MEP1B: variants seen among roughly 807,000 people sequenced by gnomAD.
The protein encoded by MEP1B is N-benzoyl-L-tyrosyl-P-amino-benzoic acid hydrolase subunit beta.
A neutral mutation model predicts 84.6 loss-of-function variants in MEP1B; 80 were observed. The observed-to-expected ratio is 0.95, with a 90% confidence interval of 0.79 to 1.14. The LOEUF is 1.14. Among genes scored for constraint, MEP1B ranks in the 50% most tolerant of loss-of-function variants. MEP1B has a pLI of 0.00. For missense variants in MEP1B, 766 were observed against 855.1 expected, an observed-to-expected ratio of 0.90 and a Z score of 1.30; for synonymous variants, 273 against 288.1, an observed-to-expected ratio of 0.95 and a Z score of 0.53.
intron 7 of MEP1B, among the ~76,000 whole-genome samples, chr18:32,205,178 T>C (rs2040951866): frequency 1.3e-5 from 2 of 152,380 alleles, no homozygotes; most frequent in South Asian, 4.1e-4. Context: ...TCTTCTTTTT[T>C]CTTTTTGCAG....
At position 32,203,065 on chromosome 18, in the gene MEP1B, A is replaced by G. The variant is rs148591030; in HGVS notation, c.368+55A>G. 1,019 of 1,005,404 alleles carry G rather than the reference A, an allele frequency of 1.0e-3. 4 individuals are homozygous for G. The highest frequency in any genetic ancestry group is 1.3e-3 in the Non-Finnish European group (823 of 653,304). 62.3% of individuals were successfully genotyped at this position (1,005,404 alleles called of 1,614,324 possible). A position where few individuals can be genotyped will look rare whatever the true frequency, so the allele number is the denominator to read the frequency against. On this transcript the variant is annotated intron_variant, in intron 6 of 14. Transcript: ENST00000269202. Reference sequence around the variant, plus strand: ...TCTAAGGAGAACTCTAGTGCCTGGGACATTACATTGCAGCAATCATCCTAG... The same window carrying G: ...TCTAAGGAGAACTCTAGTGCCTGGGGCATTACATTGCAGCAATCATCCTAG...
chr18:32,194,635 T>G lies in MEP1B; in HGVS notation c.172-772T>G, dbSNP rs138790030. Among the ~76,000 whole-genome samples, 896 of 152,264 alleles carry G rather than the reference T, an allele frequency of 5.9e-3. 7 individuals are homozygous for G. The highest frequency in any genetic ancestry group is 0.01 in the Middle Eastern group (3 of 294). On this transcript the variant is annotated intron_variant, in intron 4 of 14. Transcript: ENST00000269202. ...CAGAACAAGAACAACTAATGTTCCC[T>G]CTGCCTGAAACCACCTTCCCAGGAC...
intron 12 of MEP1B, 123 bp from the exon 13 acceptor site, chr18:32,216,868 T>TAAAAA: frequency 1.0e-6 from 1 of 960,714 alleles, no homozygotes; most frequent in Non-Finnish European, 1.4e-6. Context: ...ATCTCACCTC[T>TAAAAA]AAAAAAAAAA....
At chr18:32,192,533 T>C (rs1396099447) in intron 2 of MEP1B, 113 bp from the exon 3 acceptor site, 7 of 870,126 alleles carry the variant, frequency 8.0e-6, no homozygotes, top group Non-Finnish European at 1.3e-5. Flanking sequence ...CTGAATCTAG[T>C]AGTCACCTGA....
chr18:32,210,245 T>G (rs2041010698), intron 9 of MEP1B, among the ~76,000 whole-genome samples: 1 of 152,248 alleles, frequency 6.6e-6, no homozygotes, highest in African/African-American at 2.4e-5. Flanking sequence ...TAAGCAAGGA[T>G]TAGTGCCCAC....
Position 32,213,386 on chromosome 18 carries a change from ATGTGAC to A in MEP1B, c.1408_1413del (p.Val470_Thr471del). ...TTTCAGATTTACTTAAATCTAGCCC[ATGTGAC>A]TAATGCAGGGATATATTTCCACTTG... is the stretch of plus-strand genomic sequence containing the variant. On this transcript the variant is annotated inframe_deletion, in exon 11 of 15. Transcript: ENST00000269202. 6.2e-7 allele frequency: 1 copy of A among 1,613,866 alleles called. No individual in the cohort carries two copies. The highest frequency in any genetic ancestry group is 8.5e-7 in the Non-Finnish European group (1 of 1,179,820).
In MEP1B at chr18:32,217,024, T is replaced by TA; in HGVS notation, c.1795dup (p.Thr599AsnfsTer5). The TA allele has an allele frequency of 6.2e-7, 1 of 1,613,914 alleles. No individual in the cohort carries two copies. Among genetic ancestry groups the TA allele is most frequent in the African/African-American group, 1.3e-5 (1 of 75,070 alleles). On this transcript the variant is annotated frameshift_variant, in exon 13 of 15. Coordinates refer to ENST00000269202, the MANE Select transcript of MEP1B (RefSeq NM_005925.3). LOFTEE classifies it high-confidence loss of function. ...CACCTCAACTCTACACAAATCCAGC[T>TA]AACACCAGCCCCTAGTGTTCAAGAC... is the stretch of plus-strand genomic sequence containing the variant.
Position 32,210,687 on chromosome 18 carries a change from GCAATTT to G in MEP1B, c.1107_1112del (p.Asn370_Leu371del). On this transcript the variant is annotated inframe_deletion, in exon 10 of 15. Transcript: ENST00000269202. ...GAGTATTCTGCAGACAATGTGGATG[GCAATTT>G]AACCCTTGTGGAAGAAATAAAAGGT... The G allele has an allele frequency of 6.2e-7, 1 of 1,613,602 alleles. No homozygotes were observed. Among genetic ancestry groups the G allele is most frequent in the Non-Finnish European group, 8.5e-7 (1 of 1,179,668 alleles).
chr18:32,218,806 C>G (rs2041120872), intron 14 of MEP1B, among the ~76,000 whole-genome samples: 1 of 151,832 alleles, frequency 6.6e-6, no homozygotes, highest in South Asian at 2.1e-4. Context: ...AAAGAGGGGG[C>G]ATAAAATTGG....
rs1006180347 is a variant in MEP1B, at chr18:32,213,297, G to C, written c.1317G>C (p.Gln439His). 1.2e-6 allele frequency: 2 copies of C among 1,613,832 alleles called. No homozygotes were observed. The highest frequency in any genetic ancestry group is 2.7e-5 in the African/African-American group (2 of 74,906). The change falls in exon 11 of 15, where the codon CAG becomes CAC. Residue 439 changes from glutamine to histidine, a missense_variant. Transcript: ENST00000269202. ...HHIWHIRNFT[Q>H]FIGSPNGTLY... ...TCTGGCATATAAGGAATTTCACACA[G>C]TTCATTGGCAGCCCAAATGGAACTC...
rs1598886741 is a variant in MEP1B, at chr18:32,195,410, C to T, written c.175C>T (p.Gln59Ter). Residue 59 changes from glutamine to a stop codon, truncating the protein, a stop_gained, in exon 5 of 15, where the codon CAA (glutamine) becomes TAA (stop). Coordinates refer to ENST00000269202, the MANE Select transcript of MEP1B (RefSeq NM_005925.3). LOFTEE classifies it high-confidence loss of function. ...FEGDIRLDRA[Q>*]IRNSIIGEKY... ...CTTTTGCATTTATTTTTGACAGGCA[C>T]AAATTAGAAATTCCATCATTGGAGA... is the stretch of plus-strand genomic sequence containing the variant. The T allele has an allele frequency of 1.2e-6, 2 of 1,605,930 alleles. No individual in the cohort carries two copies. The highest frequency in any genetic ancestry group is 1.3e-5 in the African/African-American group (1 of 74,792).
At chr18:32,198,852 A>C (rs1229269753) in intron 5 of MEP1B, among the ~76,000 whole-genome samples, 1 of 152,218 alleles carries the variant, frequency 6.6e-6, no homozygotes, top group Admixed American at 6.5e-5. Context: ...TAGGGAGACC[A>C]GTTAGAAAAC....
At chr18:32,219,990 C>T (rs529606529) in intron 14 of MEP1B, among the ~76,000 whole-genome samples, 1 of 152,240 alleles carries the variant, frequency 6.6e-6, no homozygotes, top group Admixed American at 6.5e-5. Flanking sequence ...ATCAGAATGA[C>T]CTTTTTTTCT....
chr18:32,193,157 T>C (rs373028709), intron 4 of MEP1B, among the ~76,000 whole-genome samples: 2 of 152,216 alleles, frequency 1.3e-5, no homozygotes, highest in East Asian at 3.8e-4. Flanking sequence ...GAGGCAAAAT[T>C]AAACTGAATT....
At chr18:32,204,105 C>A in intron 6 of MEP1B, 77 bp from the exon 7 acceptor site, 1 of 1,251,986 alleles carries the variant, frequency 8.0e-7, no homozygotes, top group Non-Finnish European at 1.1e-6. Context: ...ATGAAGTGGA[C>A]TAGGCAGTGG....
At chr18:32,202,758 T>C in intron 5 of MEP1B, 135 bp from the exon 6 acceptor site, 1 of 608,590 alleles carries the variant, frequency 1.6e-6, no homozygotes, top group Non-Finnish European at 2.9e-6. Flanking sequence ...CTAATTTTTG[T>C]AAAAATAAAA....
chr18:32,213,081 T>C lies in MEP1B; in HGVS notation c.1136-35T>C, dbSNP rs559394612. ...TGTTGACATGTACATGATTTGAACT[T>C]CTTTGTCTTTGAAATAATAATGACT... is the stretch of plus-strand genomic sequence containing the variant. On this transcript the variant is annotated intron_variant, in intron 10 of 14. Coordinates refer to ENST00000269202, the MANE Select transcript of MEP1B (RefSeq NM_005925.3). 1.1e-5 allele frequency: 17 copies of C among 1,583,296 alleles called. No individual in the cohort carries two copies. In the East Asian group the frequency reaches 3.6e-4, roughly 33 times the overall value.
rs2041108680 is a variant in MEP1B, at chr18:32,217,838, T to C, written c.1964T>C (p.Ile655Thr). 3.1e-6 allele frequency: 5 copies of C among 1,613,922 alleles called. No homozygotes were observed. The South Asian group carries it at 3.3e-5, about 11-fold the overall frequency. ...GGCTCCACCCGAGACACCATAGTCA[T>C]TGCTGTTTCATCTACTGTTGCTGTG... ...KRGSTRDTIVIAVSSTVAVFA... is the reference protein window; with the variant it reads ...KRGSTRDTIVTAVSSTVAVFA... Residue 655 changes from isoleucine to threonine, a missense_variant, in exon 14 of 15, where the codon ATT becomes ACT. Coordinates refer to ENST00000269202, the MANE Select transcript of MEP1B (RefSeq NM_005925.3).
chr18:32,216,877 A>AAAG, intron 12 of MEP1B, 114 bp from the exon 13 acceptor site: 4 of 1,304,328 alleles, frequency 3.1e-6, no homozygotes, highest in Non-Finnish European at 4.1e-6. Context: ...CTAAAAAAAA[A>AAAG]AAAGAAAGAA....
Sources: allele counts gnomAD v4.1 joint callset (sites outside exome capture counted in the v4.1 genomes callset), GRCh38; gene constraint gnomAD v4.1.1; transcripts MANE v1.5; gene names NCBI Gene and HGNC (gene_info 2026-07-23, HGNC 2026-07-21).